The following PAK5 variants were observed in gnomAD, a reference collection of about 807,000 sequenced individuals.
PAK5 encodes serine/threonine-protein kinase PAK 5.
In PAK5, 16 loss-of-function variants were observed where a neutral mutation model predicts 65.9. The ratio of observed to expected loss-of-function variants is 0.24; its 90% CI spans 0.16 to 0.37. The LOEUF (loss-of-function observed/expected upper bound fraction) is 0.37. Among genes scored for constraint, PAK5 ranks in the 10% least tolerant of loss-of-function variants. The pLI is 1.00. For synonymous variants in PAK5, 371 were observed against 354.9 expected (o/e 1.05, Z -0.51); for missense variants, 785 against 903.9 (o/e 0.87, Z 1.69).
chr20:9,642,890 A>G (rs2030487423), intron 3 of PAK5, among the ~76,000 whole-genome samples: 1 of 152,356 alleles, frequency 6.6e-6, no homozygotes, highest in East Asian at 1.9e-4. Context: ...CACAAAATGC[A>G]GAATTATAAG....
chr20:9,723,035 G>T (rs1347754650), intron 1 of PAK5, among the ~76,000 whole-genome samples: 1 of 152,150 alleles, frequency 6.6e-6, no homozygotes, highest in Non-Finnish European at 1.5e-5. Flanking sequence ...CCTGGTGTCT[G>T]TTGGAAGATT....
intron 1 of PAK5, among the ~76,000 whole-genome samples, chr20:9,800,047 T>C (rs954542765): frequency 2.0e-5 from 3 of 151,434 alleles, no homozygotes; most frequent in African/African-American, 4.8e-5. Context: ...TTCTAAAAGA[T>C]TCAAGTGTAG....
chr20:9,772,590 C>A (rs1240298300), intron 1 of PAK5, among the ~76,000 whole-genome samples: 4 of 152,200 alleles, frequency 2.6e-5, no homozygotes, highest in African/African-American at 7.2e-5. Context: ...ACTGTCAAAG[C>A]ACACATAGTT....
intron 2 of PAK5, among the ~76,000 whole-genome samples, chr20:9,706,178 C>A (rs2048004577): frequency 6.6e-6 from 1 of 152,176 alleles, no homozygotes; most frequent in African/African-American, 2.4e-5. Flanking sequence ...GAGACTTGGC[C>A]TTGTGAGAAT....
intron 1 of PAK5, among the ~76,000 whole-genome samples, chr20:9,785,505 T>C (rs2048983072): frequency 6.6e-6 from 1 of 152,198 alleles, no homozygotes; most frequent in South Asian, 2.1e-4. Flanking sequence ...TTCCACTCTT[T>C]GTATTTCCCT....
intron 3 of PAK5, among the ~76,000 whole-genome samples, chr20:9,624,743 G>A (rs1012035919): frequency 6.6e-6 from 1 of 151,902 alleles, no homozygotes; most frequent in Admixed American, 6.6e-5. Flanking sequence ...CTGTTGGTGA[G>A]TCCTTTGGGT....
intron 1 of PAK5, among the ~76,000 whole-genome samples, chr20:9,779,536 A>T (rs1014756700): frequency 3.3e-5 from 5 of 151,356 alleles, no homozygotes; most frequent in African/African-American, 1.2e-4. Flanking sequence ...TCATAAAATT[A>T]TATTAGCATT....
intron 1 of PAK5, among the ~76,000 whole-genome samples, chr20:9,771,854 A>C (rs951902537): frequency 1.3e-5 from 2 of 152,076 alleles, no homozygotes; most frequent in Non-Finnish European, 2.9e-5. Context: ...CCTGCCCAAC[A>C]TGGCAAAACT....
intron 3 of PAK5, among the ~76,000 whole-genome samples, chr20:9,599,208 T>G (rs574850144): frequency 9.2e-5 from 14 of 152,372 alleles, no homozygotes; most frequent in African/African-American, 3.1e-4. Flanking sequence ...TTTCATTCCT[T>G]TTAAAAGTTG....
intron 1 of PAK5, among the ~76,000 whole-genome samples, chr20:9,828,786 T>C (rs1157213018): frequency 6.6e-6 from 1 of 152,240 alleles, no homozygotes; most frequent in Non-Finnish European, 1.5e-5. Flanking sequence ...AACTGTTGTG[T>C]CTAACAGAGA....
At chr20:9,741,460 C>T (rs759097580) in intron 1 of PAK5, among the ~76,000 whole-genome samples, 17 of 152,142 alleles carry the variant, frequency 1.1e-4, no homozygotes, top group Admixed American at 3.9e-4. Flanking sequence ...AATAAGCTTT[C>T]GGAGGAATGA....
At chr20:9,716,813 G>A (rs1263012230) in intron 1 of PAK5, among the ~76,000 whole-genome samples, 1 of 152,092 alleles carries the variant, frequency 6.6e-6, no homozygotes, top group Non-Finnish European at 1.5e-5. Flanking sequence ...GCCAGGTGTG[G>A]TGGCTTACCC....
chr20:9,805,554 A>C (rs761102316), intron 1 of PAK5, among the ~76,000 whole-genome samples: 33 of 152,214 alleles, frequency 2.2e-4, no homozygotes, highest in Non-Finnish European at 7.3e-5. Flanking sequence ...AAAGGAACAA[A>C]ATACTGATAC....
At chr20:9,809,076 T>G (rs2049266837) in intron 1 of PAK5, among the ~76,000 whole-genome samples, 1 of 152,144 alleles carries the variant, frequency 6.6e-6, no homozygotes, top group Non-Finnish European at 1.5e-5. Context: ...ATAATTTTGT[T>G]TAGATGCTAC....
At chr20:9,724,232 G>C (rs2048250409) in intron 1 of PAK5, among the ~76,000 whole-genome samples, 1 of 152,094 alleles carries the variant, frequency 6.6e-6, no homozygotes, top group Non-Finnish European at 1.5e-5. Context: ...TATGTTTTTA[G>C]TACCAAAGTA....
chr20:9,598,061 T>G (rs2046301477), intron 3 of PAK5, among the ~76,000 whole-genome samples: 1 of 152,238 alleles, frequency 6.6e-6, no homozygotes, highest in South Asian at 2.1e-4. Context: ...ATCTCTCACC[T>G]AGGTAGTAAG....
chr20:9,678,715 T>C (rs999796936), intron 2 of PAK5, among the ~76,000 whole-genome samples: 1 of 152,070 alleles, frequency 6.6e-6, no homozygotes, highest in Admixed American at 6.5e-5. Flanking sequence ...CTTCTTCACA[T>C]GGACAGAGAA....
At chr20:9,635,785 A>C (rs115364838) in intron 3 of PAK5, among the ~76,000 whole-genome samples, 1 of 152,182 alleles carries the variant, frequency 6.6e-6, no homozygotes. Flanking sequence ...AGAGGCAAAA[A>C]CAAACAAACA....
At chr20:9,554,534 G>A (rs1031480676) in intron 7 of PAK5, among the ~76,000 whole-genome samples, 2 of 152,162 alleles carry the variant, frequency 1.3e-5, no homozygotes, top group African/African-American at 4.8e-5. Flanking sequence ...GTTTTGCTGA[G>A]CTATAAGAGA....
Sources: allele counts gnomAD v4.1 joint callset (sites outside exome capture counted in the v4.1 genomes callset), GRCh38; gene constraint gnomAD v4.1.1; transcripts MANE v1.5; gene names NCBI Gene and HGNC (gene_info 2026-07-23, HGNC 2026-07-21).